GPHN: variants seen among roughly 807,000 people sequenced by gnomAD.
The protein encoded by GPHN is gephyrin.
GPHN carries 17 observed loss-of-function variants against 95.5 expected under a neutral mutation model. That is an observed-to-expected ratio of 0.18 (90% CI 0.12 to 0.27). The LOEUF (loss-of-function observed/expected upper bound fraction) is 0.27, where lower values mean the gene tolerates loss of function less well. Among genes scored for constraint, GPHN ranks in the 10% least tolerant of loss-of-function variants. The pLI, the probability that GPHN is intolerant of heterozygous loss-of-function variation, is 1.00. For missense variants in GPHN, 660 were observed against 978.1 expected (o/e 0.67, Z 4.34); for synonymous variants, 320 against 322.5 (o/e 0.99, Z 0.08).
At chr14:67,586,977 T>C in the GPHN span, 1,554 of 1,536,108 alleles carry the variant, frequency 1.0e-3, 1 homozygote, top group Non-Finnish European at 1.3e-3. Context: ...TTAAATAAAC[T>C]GAGGCCCAGG....
intron 4 of GPHN, among the ~76,000 whole-genome samples, chr14:66,872,096 G>T (rs1329070543): frequency 5.3e-5 from 8 of 152,082 alleles, no homozygotes. Context: ...TGCTAATCCT[G>T]TATTCTGTAT....
intron 4 of GPHN, among the ~76,000 whole-genome samples, chr14:66,825,180 G>A (rs537701017): frequency 1.8e-4 from 28 of 151,638 alleles, no homozygotes; most frequent in Non-Finnish European, 3.5e-4. Flanking sequence ...AACTAATATG[G>A]GGGGGGATGT....
intron 3 of GPHN, among the ~76,000 whole-genome samples, chr14:66,801,498 T>A (rs1223597599): frequency 6.6e-6 from 1 of 152,140 alleles, no homozygotes; most frequent in Non-Finnish European, 1.5e-5. Context: ...TCAAGCAGGC[T>A]ATTGTTGTCC....
chr14:67,710,602 C>A, the GPHN span, among the ~76,000 whole-genome samples: 1 of 151,916 alleles, frequency 6.6e-6, no homozygotes. Flanking sequence ...CAAAAAAAAT[C>A]TTTATTTTTA....
the GPHN span, among the ~76,000 whole-genome samples, chr14:67,702,509 C>T: frequency 1.3e-5 from 2 of 151,998 alleles, no homozygotes; most frequent in African/African-American, 4.8e-5. Flanking sequence ...CAAATCCTGA[C>T]CCTGTAAAAT....
chr14:66,996,356 G>A, intron 9 of GPHN: 1 of 632,668 alleles, frequency 1.6e-6, no homozygotes, highest in East Asian at 2.8e-5. Flanking sequence ...ATACCAAAGG[G>A]GGAAAATTCA....
At chr14:67,298,546 A>G in the GPHN span, among the ~76,000 whole-genome samples, 1 of 152,012 alleles carries the variant, frequency 6.6e-6, no homozygotes, top group African/African-American at 2.4e-5. Flanking sequence ...TATAAAAACT[A>G]TGAGTAGCGT....
At chr14:67,199,383 A>G in the GPHN span, 1 of 1,613,952 alleles carries the variant, frequency 6.2e-7, no homozygotes, top group Non-Finnish European at 8.5e-7. Context: ...GGGAACCTGG[A>G]CCCTGAGATT....
At chr14:67,419,041 T>C in the GPHN span, among the ~76,000 whole-genome samples, 1 of 152,182 alleles carries the variant, frequency 6.6e-6, no homozygotes, top group Non-Finnish European at 1.5e-5. Context: ...CTCAGGGCCA[T>C]CAGGGCTGGG....
At chr14:66,944,280 A>G (rs1033160819) in intron 8 of GPHN, among the ~76,000 whole-genome samples, 1 of 152,226 alleles carries the variant, frequency 6.6e-6, no homozygotes, top group African/African-American at 2.4e-5. Context: ...AAGAGAATCA[A>G]TAATTAGCAA....
chr14:66,720,420 T>G (rs2873997), intron 2 of GPHN, among the ~76,000 whole-genome samples: 47,793 of 151,886 alleles, frequency 0.31, 11,497 homozygotes, highest in African/African-American at 0.65. Context: ...TGGGGGTGGT[T>G]GTGCACATCT....
chr14:67,579,145 G>T, the GPHN span: 1 of 1,606,088 alleles, frequency 6.2e-7, no homozygotes, highest in Admixed American at 1.7e-5. Flanking sequence ...AGTGAAACTG[G>T]CCAGTATGCC....
chr14:66,966,582 A>G (rs1478449796), intron 9 of GPHN, among the ~76,000 whole-genome samples: 1 of 152,028 alleles, frequency 6.6e-6, no homozygotes, highest in East Asian at 1.9e-4. Context: ...AATCTCATCT[A>G]TATCTTTTAT....
At position 66,854,820 on chromosome 14, in the gene GPHN, A is replaced by G. The variant is rs1467181039; in HGVS notation, c.295-25119A>G. 5.3e-5 allele frequency among the ~76,000 whole-genome samples: 8 copies of G among 151,486 alleles called. 1 individual carries two copies. The highest frequency in any genetic ancestry group is 3.9e-4 in the East Asian group (2 of 5,188). On this transcript the variant is annotated intron_variant, in intron 4 of 22. Coordinates refer to ENST00000478722, the MANE Select transcript of GPHN (RefSeq NM_020806.5). ...TTTTCTAAATTGTGGCAAAATATGT[A>G]TAGCACAAAACTTGCTATTTTAGCC...
chr14:67,678,165 G>C, the GPHN span: 1 of 579,808 alleles, frequency 1.7e-6, no homozygotes, highest in Non-Finnish European at 3.1e-6. Context: ...GAATCTGGCA[G>C]TACACTGAGT....
the GPHN span, chr14:67,374,741 A>C: frequency 2.5e-6 from 1 of 405,688 alleles, no homozygotes. Flanking sequence ...ACTTGTTTAC[A>C]GTTGGAATGC....
the GPHN span, chr14:67,441,841 T>G: frequency 6.6e-6 from 1 of 152,486 alleles, no homozygotes. Flanking sequence ...CTGGCTCTCC[T>G]GAGTCTCCAG....
At chr14:67,644,721 G>A in the GPHN span, among the ~76,000 whole-genome samples, 127 of 152,294 alleles carry the variant, frequency 8.3e-4, 2 homozygotes, top group Middle Eastern at 0.01. Flanking sequence ...ATTTGAGGCT[G>A]GGCATAGTGG....
intron 1 of GPHN, among the ~76,000 whole-genome samples, chr14:66,586,649 C>T (rs1026177290): frequency 2.6e-5 from 4 of 152,156 alleles, no homozygotes; most frequent in Non-Finnish European, 4.4e-5. Context: ...ACTTATGAAG[C>T]TTAGTTTGGC....
Sources: allele counts gnomAD v4.1 joint callset (sites outside exome capture counted in the v4.1 genomes callset), GRCh38; gene constraint gnomAD v4.1.1; transcripts MANE v1.5; gene names NCBI Gene and HGNC (gene_info 2026-07-23, HGNC 2026-07-21).